VTI1A: variants seen among roughly 807,000 people sequenced by gnomAD.
VTI1A encodes the protein vesicle transport through interaction with t-SNAREs 1A, also known as vesicle transport through interaction with t-SNAREs homolog 1A.
A neutral mutation model predicts 34.9 loss-of-function variants in VTI1A; 22 were observed. The ratio of observed to expected loss-of-function variants is 0.63; its 90% CI spans 0.45 to 0.90. The LOEUF (loss-of-function observed/expected upper bound fraction) is 0.90. Ranked by LOEUF, VTI1A falls within the 40% of genes least tolerant of loss-of-function variation. The pLI, the probability that VTI1A is intolerant of heterozygous loss-of-function variation, is 0.00. For synonymous variants in VTI1A, 87 were observed against 97.3 expected, an observed-to-expected ratio of 0.89 and a Z score of 0.62; for missense variants, 268 against 275.6, an observed-to-expected ratio of 0.97 and a Z score of 0.20.
At chr10:112,484,255 A>C (rs962033009) in intron 3 of VTI1A, among the ~76,000 whole-genome samples, 3 of 152,238 alleles carry the variant, frequency 2.0e-5, no homozygotes, top group Non-Finnish European at 2.9e-5. Context: ...GTCAACCTCC[A>C]TGCTTTCTAA....
At chr10:112,536,029 A>C (rs1470404005) in intron 4 of VTI1A, among the ~76,000 whole-genome samples, 1 of 152,218 alleles carries the variant, frequency 6.6e-6, no homozygotes, top group East Asian at 1.9e-4. Flanking sequence ...ATATTTTTAA[A>C]GGTCTTTCAG....
chr10:112,850,422 A>C, the VTI1A span, among the ~76,000 whole-genome samples: 1 of 151,830 alleles, frequency 6.6e-6, no homozygotes, highest in Non-Finnish European at 1.5e-5. Flanking sequence ...AAATTAGGTT[A>C]AAGTAAAGGG....
chr10:112,545,977 T>C (rs1320615110), intron 5 of VTI1A, among the ~76,000 whole-genome samples: 7 of 143,062 alleles, frequency 4.9e-5, no homozygotes, highest in Non-Finnish European at 7.5e-5. Context: ...TGTATACACG[T>C]ATGTGTGTGT....
chr10:112,686,083 T>C (rs1210768988), intron 7 of VTI1A, among the ~76,000 whole-genome samples: 1 of 152,190 alleles, frequency 6.6e-6, no homozygotes, highest in Non-Finnish European at 1.5e-5. Context: ...AGAAACAAGA[T>C]GGGGAATGTG....
chr10:112,713,105 A>G (rs1013048476), intron 7 of VTI1A, among the ~76,000 whole-genome samples: 1 of 151,872 alleles, frequency 6.6e-6, no homozygotes, highest in African/African-American at 2.4e-5. Context: ...CCCACTGCCC[A>G]CTGCATTCTA....
intron 7 of VTI1A, among the ~76,000 whole-genome samples, chr10:112,673,452 A>G (rs1029030299): frequency 2.5e-4 from 31 of 121,808 alleles, no homozygotes; most frequent in African/African-American, 9.6e-4. Context: ...ATTCACACAC[A>G]TGCGCGCGTG....
At chr10:112,850,664 G>C in the VTI1A span, among the ~76,000 whole-genome samples, 1 of 152,102 alleles carries the variant, frequency 6.6e-6, no homozygotes, top group Non-Finnish European at 1.5e-5. Flanking sequence ...ATTTTGTGTT[G>C]TTTTTAAAAT....
chr10:112,690,323 A>G (rs1460518687), intron 7 of VTI1A, among the ~76,000 whole-genome samples: 1 of 152,194 alleles, frequency 6.6e-6, no homozygotes, highest in Non-Finnish European at 1.5e-5. Flanking sequence ...GTTTAATTTT[A>G]TAAGAACCTA....
intron 7 of VTI1A, among the ~76,000 whole-genome samples, chr10:112,773,816 C>A (rs180952378): frequency 1.4e-4 from 21 of 152,244 alleles, no homozygotes; most frequent in Non-Finnish European, 2.5e-4. Flanking sequence ...AGTGTTGTTG[C>A]CAGGATCTAA....
At chr10:112,605,983 G>A (rs967939115) in intron 5 of VTI1A, among the ~76,000 whole-genome samples, 2 of 151,652 alleles carry the variant, frequency 1.3e-5, no homozygotes, top group Admixed American at 1.3e-4. Context: ...AAGACCACAT[G>A]TAGTCTTTAG....
chr10:112,496,185 A>ACCCCCCCCCCCCCCCCCCC, intron 3 of VTI1A, among the ~76,000 whole-genome samples: 1 of 27,838 alleles, frequency 3.6e-5, no homozygotes, highest in Non-Finnish European at 6.6e-5. Context: ...AAATGGGGAG[A>ACCCCCCCCCCCCCCCCCCC]CCCCCCCCCC....
chr10:112,589,018 CTTTTTTTTTT>C (rs3057340), intron 5 of VTI1A, among the ~76,000 whole-genome samples: 1 of 129,268 alleles, frequency 7.7e-6, no homozygotes, highest in Non-Finnish European at 1.6e-5. Context: ...GACTCCTTGT[CTTTTTTTTTT>C]TTTTTTTTTT....
chr10:112,779,929 A>T (rs147779080), intron 7 of VTI1A, among the ~76,000 whole-genome samples: 1 of 152,062 alleles, frequency 6.6e-6, no homozygotes, highest in Non-Finnish European at 1.5e-5. Context: ...GGTTTCTCAC[A>T]GATTATTTTT....
intron 5 of VTI1A, among the ~76,000 whole-genome samples, chr10:112,645,293 C>T (rs1160259868): frequency 6.6e-6 from 1 of 152,138 alleles, no homozygotes; most frequent in Non-Finnish European, 1.5e-5. Flanking sequence ...CTCCTCTTCC[C>T]CTTTGCCACC....
intron 3 of VTI1A, among the ~76,000 whole-genome samples, chr10:112,510,827 AT>A (rs1849582726): frequency 6.6e-6 from 1 of 152,246 alleles, no homozygotes; most frequent in Non-Finnish European, 1.5e-5. Flanking sequence ...AAATAAAAGT[AT>A]GTTGCTAATT....
At chr10:112,828,531 A>C in the VTI1A span, among the ~76,000 whole-genome samples, 2 of 151,218 alleles carry the variant, frequency 1.3e-5, no homozygotes, top group Non-Finnish European at 3.0e-5. Context: ...TCAGCCTCCC[A>C]AGTAGCTGGG....
intron 5 of VTI1A, among the ~76,000 whole-genome samples, chr10:112,574,297 T>A (rs1295584378): frequency 1.3e-5 from 2 of 152,222 alleles, no homozygotes; most frequent in Non-Finnish European, 2.9e-5. Context: ...ATTGGGCATT[T>A]GTAGCTCAGA....
chr10:112,736,107 G>GTATATATATATATATATA (rs1468293852), intron 7 of VTI1A, among the ~76,000 whole-genome samples: 7 of 100,842 alleles, frequency 6.9e-5, no homozygotes, highest in South Asian at 2.7e-4. Context: ...ATATATGTGT[G>GTATATATATATATATATA]TGTGTATATA....
At chr10:112,697,346 T>C (rs918609809) in intron 7 of VTI1A, among the ~76,000 whole-genome samples, 1 of 151,354 alleles carries the variant, frequency 6.6e-6, no homozygotes, top group African/African-American at 2.4e-5. Context: ...GGTGCATGCC[T>C]CCACACCTGG....
Sources: allele counts gnomAD v4.1 joint callset (sites outside exome capture counted in the v4.1 genomes callset), GRCh38; gene constraint gnomAD v4.1.1; transcripts MANE v1.5; gene names NCBI Gene and HGNC (gene_info 2026-07-23, HGNC 2026-07-21).